TK1: variants seen among roughly 807,000 people sequenced by gnomAD.
TK1 encodes the protein thymidine kinase, cytosolic.
Under a neutral mutation model 22.4 loss-of-function variants are expected in TK1, and 13 were observed. The ratio of observed to expected loss-of-function variants is 0.58; its 90% CI spans 0.38 to 0.92. TK1 has a LOEUF of 0.92. Among genes scored for constraint, TK1 ranks in the 40% least tolerant of loss-of-function variants. The pLI is 0.00. For missense variants in TK1, 251 were observed against 315.7 expected, an observed-to-expected ratio of 0.80 and a Z score of 1.55; for synonymous variants, 134 against 125.4, an observed-to-expected ratio of 1.07 and a Z score of -0.46.
In TK1 at chr17:78,174,518, C is replaced by A; in HGVS notation, c.*241G>T. The A allele has an allele frequency of 1.9e-6, 1 of 535,824 alleles. No homozygotes were observed. The highest frequency in any genetic ancestry group is 3.3e-6 in the Non-Finnish European group (1 of 305,046). 33.2% of individuals were successfully genotyped at this position (535,824 alleles called of 1,614,324 possible). A position where few individuals can be genotyped will look rare whatever the true frequency, so the allele number is the denominator to read the frequency against. On this transcript the variant is annotated 3_prime_UTR_variant, in exon 7 of 7. Transcript: ENST00000301634. Reference sequence around the variant, plus strand: ...CCAGATCCCAGGCCACCAAGCGGGGCCAGCTCCAGCCTGGGCGATCGTCCC... The same window carrying A: ...CCAGATCCCAGGCCACCAAGCGGGGACAGCTCCAGCCTGGGCGATCGTCCC...
chr17:78,185,564 G>A (rs925432251), intron 2 of TK1, among the ~76,000 whole-genome samples: 1 of 152,092 alleles, frequency 6.6e-6, no homozygotes, highest in East Asian at 1.9e-4. Flanking sequence ...TCGCTCTGTT[G>A]CCTAGGTTAG....
chr17:78,179,512 T>TC, intron 4 of TK1: 1 of 985,202 alleles, frequency 1.0e-6, no homozygotes, highest in Non-Finnish European at 1.2e-6. Flanking sequence ...CAGCCTCAAC[T>TC]CCACAGGGCA....
At chr17:78,183,096 T>C (rs1272657010) in intron 3 of TK1, among the ~76,000 whole-genome samples, 2 of 152,318 alleles carry the variant, frequency 1.3e-5, no homozygotes, top group South Asian at 2.1e-4. Context: ...CTCAGACTCC[T>C]AACTTTTAAG....
At chr17:78,176,601 C>G (rs2075701611) in intron 4 of TK1, among the ~76,000 whole-genome samples, 1 of 152,152 alleles carries the variant, frequency 6.6e-6, no homozygotes, top group African/African-American at 2.4e-5. Context: ...CTCCAGCACG[C>G]CAGGGCCCCT....
intron 2 of TK1, among the ~76,000 whole-genome samples, chr17:78,186,492 G>A (rs1013912679): frequency 6.6e-6 from 1 of 151,988 alleles, no homozygotes; most frequent in African/African-American, 2.4e-5. Flanking sequence ...GACTTGGTGG[G>A]GAAGACAGCT....
intron 4 of TK1, chr17:78,179,038 TG>T (rs2075720620): frequency 2.2e-6 from 1 of 451,502 alleles, no homozygotes; most frequent in Non-Finnish European, 2.9e-6. Context: ...CTTCATACGC[TG>T]GCTCCTGACT....
intron 4 of TK1, chr17:78,179,174 A>G (rs2075721721): frequency 1.0e-6 from 1 of 985,294 alleles, no homozygotes; most frequent in Non-Finnish European, 1.2e-6. Context: ...TCACAGCGGC[A>G]GGTCTGAAGG....
intron 4 of TK1, 133 bp from the exon 5 acceptor site, chr17:78,175,751 A>T (rs2145821642): frequency 1.4e-6 from 1 of 716,694 alleles, no homozygotes; most frequent in African/African-American, 1.8e-5. Flanking sequence ...TTCTCCCACG[A>T]GGCTCCCCAG....
Position 78,175,071 on chromosome 17 carries a change from C to G in TK1, c.492G>C (p.Lys164Asn), listed in dbSNP as rs2075688312. 1 of 1,613,558 alleles carries G rather than the reference C, an allele frequency of 6.2e-7. No individual in the cohort carries two copies. The highest frequency in any genetic ancestry group is 1.1e-5 in the South Asian group (1 of 91,086). ...MECFREAAYT[K>N]RLGTEKEVEV... is the part of the protein sequence containing the mutation. The stretch of plus-strand genomic sequence containing the variant: ...CTACCTCCTTCTCTGTGCCGAGCCT[C>G]TTGGTATAGGCGGCTTCCCGGAAGC... Residue 164 changes from lysine to asparagine, a missense_variant, in exon 6 of 7, where the codon AAG (lysine) becomes AAC (asparagine). Coordinates refer to ENST00000301634, the MANE Select transcript of TK1 (RefSeq NM_003258.5).
At chr17:78,186,231 T>C (rs1169270846) in intron 2 of TK1, among the ~76,000 whole-genome samples, 2 of 152,050 alleles carry the variant, frequency 1.3e-5, no homozygotes, top group African/African-American at 2.4e-5. Flanking sequence ...AGCAAGATCC[T>C]ACCTCTAGAA....
intron 4 of TK1, among the ~76,000 whole-genome samples, chr17:78,181,553 A>C (rs1278546716): frequency 6.9e-6 from 1 of 145,958 alleles, no homozygotes; most frequent in African/African-American, 2.5e-5. Flanking sequence ...AAAAAAAAAA[A>C]CCCAAACCCA....
intron 4 of TK1, among the ~76,000 whole-genome samples, chr17:78,178,634 ACTT>A (rs1277312990): frequency 1.3e-5 from 2 of 151,956 alleles, no homozygotes; most frequent in African/African-American, 2.4e-5. Flanking sequence ...AAGACCCTGA[ACTT>A]CTTTTGTTTT....
At chr17:78,180,101 ATAC>A (rs1347935013) in intron 4 of TK1, among the ~76,000 whole-genome samples, 1 of 152,216 alleles carries the variant, frequency 6.6e-6, no homozygotes, top group African/African-American at 2.4e-5. Flanking sequence ...TGGACTAAGT[ATAC>A]TAAACGTATA....
Position 78,185,071 on chromosome 17 carries a change from A to C in TK1, c.193T>G (p.Phe65Val). Residue 65 changes from phenylalanine (F) to valine (V), a missense_variant, in exon 3 of 7, where the codon TTC becomes GTC. By Grantham distance (50) the Phe-to-Val change is conservative (BLOSUM62 -1). Coordinates refer to ENST00000301634, the MANE Select transcript of TK1 (RefSeq NM_003258.5). The part of the protein sequence containing the change: ...YAKDTRYSSS[F>V]CTHDRNTMEA... ...GGGACTGACCGGTCATGTGTGCAGA[A>C]GCTGCTGCTGTAGCGAGTGTCTTTG... is the stretch of plus-strand genomic sequence containing the variant. The C allele has an allele frequency of 1.2e-6, 2 of 1,612,796 alleles. No individual in the cohort carries two copies. Among genetic ancestry groups the C allele is most frequent in the Non-Finnish European group, 1.7e-6 (2 of 1,179,690 alleles).
intron 3 of TK1, among the ~76,000 whole-genome samples, chr17:78,184,392 G>A (rs968195057): frequency 6.6e-6 from 1 of 152,240 alleles, no homozygotes; most frequent in Non-Finnish European, 1.5e-5. Flanking sequence ...AGGTGGACAA[G>A]TCCAGAGGAC....
At chr17:78,182,266 CG>C (rs2075742847) in intron 4 of TK1, among the ~76,000 whole-genome samples, 1 of 150,864 alleles carries the variant, frequency 6.6e-6, no homozygotes, top group African/African-American at 2.4e-5. Context: ...CCCAGCTACT[CG>C]GGAGGCTGAG....
intron 4 of TK1, chr17:78,179,070 G>T (rs1474781190): frequency 1.3e-6 from 1 of 762,372 alleles, no homozygotes; most frequent in Non-Finnish European, 1.6e-6. Flanking sequence ...GGATGTCGAG[G>T]AAGGAGAAGG....
In TK1 at chr17:78,186,289, A is replaced by T. The variant is rs895614505; in HGVS notation, c.98+498T>A. Reference sequence around the variant, plus strand: ...ATGGTGCGTGGGTAGTTTACTCAAGAAACTCACTAGCCCCACCCGGGTCAG... The same window carrying T: ...ATGGTGCGTGGGTAGTTTACTCAAGTAACTCACTAGCCCCACCCGGGTCAG... On this transcript the variant is annotated intron_variant, in intron 2 of 6. Transcript: ENST00000301634. Among the ~76,000 whole-genome samples, 12 of 152,210 alleles carry T rather than the reference A, an allele frequency of 7.9e-5. 3 individuals are homozygous for T. Among genetic ancestry groups the T allele is most frequent in the East Asian group, 1.9e-4 (1 of 5,164 alleles).
At chr17:78,182,909 A>G (rs1422383282) in intron 3 of TK1, among the ~76,000 whole-genome samples, 1 of 152,178 alleles carries the variant, frequency 6.6e-6, no homozygotes, top group African/African-American at 2.4e-5. Flanking sequence ...CCCAGGCTGG[A>G]GTGCAGTGGC....
Sources: gnomAD v4.1 joint callset for allele counts (sites outside exome capture counted in the v4.1 genomes callset) on GRCh38, gnomAD v4.1.1 for gene constraint, MANE v1.5 for transcripts, NCBI Gene and HGNC (gene_info 2026-07-23, HGNC 2026-07-21) for gene names.